Variants in CTPS2 observed in about 807,000 individuals in gnomAD.
CTPS2 encodes CTP synthase II.
CTPS2 carries 19 observed loss-of-function variants against 46.8 expected under a neutral mutation model. That is an observed-to-expected ratio of 0.41 (90% confidence interval 0.28 to 0.60). The LOEUF (loss-of-function observed/expected upper bound fraction) is 0.60. Ranked by LOEUF, CTPS2 falls within the 20% of genes least tolerant of loss-of-function variation. The pLI, the probability that CTPS2 is intolerant of heterozygous loss-of-function variation, is 0.35. For missense variants in CTPS2, 286 were observed against 447.6 expected, an observed-to-expected ratio of 0.64 and a Z score of 3.26; for synonymous variants, 151 against 165.2, an observed-to-expected ratio of 0.91 and a Z score of 0.66.
intron 16 of CTPS2, among the ~76,000 whole-genome samples, chrX:16,610,083 T>C (rs778018175): frequency 1.5e-4 from 17 of 111,643 alleles, no homozygotes; most frequent in African/African-American, 5.5e-4. Flanking sequence ...GTCTTCTCCT[T>C]TCCCAGGGTA....
chrX:16,663,997 A>G (rs6527697), intron 13 of CTPS2, among the ~76,000 whole-genome samples: 51,674 of 109,170 alleles, frequency 0.47, 9,728 homozygotes, highest in African/African-American at 0.67. Context: ...CACCACGCCC[A>G]GCTAATTTCT....
At chrX:16,685,889 A>T (rs1408149879) in intron 8 of CTPS2, among the ~76,000 whole-genome samples, 3 of 105,393 alleles carry the variant, frequency 2.8e-5, no homozygotes, top group Non-Finnish European at 5.9e-5. Context: ...AAAAAAAAAA[A>T]AAGACAATGA....
chrX:16,655,263 C>T (rs1183129094), intron 13 of CTPS2, among the ~76,000 whole-genome samples: 1 of 112,090 alleles, frequency 8.9e-6, no homozygotes, highest in African/African-American at 3.2e-5. Context: ...CATCACTGAC[C>T]GGGTGGCCTC....
At chrX:16,598,025 G>A (rs1929388169) in intron 17 of CTPS2, among the ~76,000 whole-genome samples, 1 of 108,760 alleles carries the variant, frequency 9.2e-6, no homozygotes. Flanking sequence ...GAATGCTTGT[G>A]ATTTTTGTAC....
intron 8 of CTPS2, among the ~76,000 whole-genome samples, chrX:16,688,023 C>G (rs760676165): frequency 9.0e-6 from 1 of 111,087 alleles, no homozygotes; most frequent in South Asian, 3.8e-4. Flanking sequence ...GGATTTGAGT[C>G]CAGAACCTAC....
intron 16 of CTPS2, among the ~76,000 whole-genome samples, chrX:16,611,526 A>G (rs1287191830): frequency 2.5e-3 from 280 of 110,445 alleles, no homozygotes; most frequent in African/African-American, 8.6e-3. Flanking sequence ...AATTATTAAA[A>G]AAAAAAAAAA....
chrX:16,626,252 G>GC (rs1931143399), intron 14 of CTPS2, among the ~76,000 whole-genome samples: 2 of 111,011 alleles, frequency 1.8e-5, no homozygotes, highest in Non-Finnish European at 3.8e-5. Flanking sequence ...CGTGGTGGTG[G>GC]ACACCTGTAA....
intron 17 of CTPS2, among the ~76,000 whole-genome samples, chrX:16,596,164 A>G (rs1035517687): frequency 9.2e-6 from 1 of 108,315 alleles, no homozygotes; most frequent in Non-Finnish European, 1.9e-5. Context: ...GTGAGCCACC[A>G]TGCCTCGCCA....
At chrX:16,707,537 G>A (rs910791638) in intron 1 of CTPS2, among the ~76,000 whole-genome samples, 1 of 111,670 alleles carries the variant, frequency 9.0e-6, no homozygotes, top group African/African-American at 3.3e-5. Context: ...AGCCAGGTGT[G>A]GTGGCACACA....
intron 14 of CTPS2, among the ~76,000 whole-genome samples, chrX:16,630,395 C>T (rs1208012487): frequency 1.8e-5 from 2 of 108,849 alleles, no homozygotes; most frequent in East Asian, 5.8e-4. Context: ...GCTGGGATTA[C>T]AGGCATGTGC....
At chrX:16,595,162 TACAC>T (rs10643985) in intron 17 of CTPS2, among the ~76,000 whole-genome samples, 245 of 102,719 alleles carry the variant, frequency 2.4e-3, no homozygotes, top group African/African-American at 6.6e-3. Flanking sequence ...AGCAATCTTT[TACAC>T]ACACACACAC....
At chrX:16,600,234 A>G (rs903578076) in intron 17 of CTPS2, among the ~76,000 whole-genome samples, 1 of 112,193 alleles carries the variant, frequency 8.9e-6, no homozygotes. Flanking sequence ...CGCTACCCCA[A>G]GGCAGCTGTT....
intron 17 of CTPS2, among the ~76,000 whole-genome samples, chrX:16,596,120 C>T (rs1035798540): frequency 7.2e-5 from 8 of 111,808 alleles, no homozygotes; most frequent in Non-Finnish European, 1.1e-4. Context: ...GCAATACTCC[C>T]GCCTCAGCCT....
chrX:16,651,263 G>C lies in CTPS2; in HGVS notation c.1297-12020C>G, dbSNP rs1932615935. The C allele has an allele frequency of 4.6e-6, 3 of 658,763 alleles. No individual in the cohort carries two copies. The East Asian group carries it at 1.0e-4, about 22-fold the overall frequency. 54.3% of individuals were successfully genotyped at this position (658,763 alleles called of 1,213,427 possible). Reference sequence around the variant, plus strand: ...GCTTGAGGGAGGACACATGCAGGTGGGGTTTCTTCCCCTTAAGTCAGGCCA... The same window carrying C: ...GCTTGAGGGAGGACACATGCAGGTGCGGTTTCTTCCCCTTAAGTCAGGCCA... On this transcript the variant is annotated intron_variant, in intron 13 of 18. Coordinates refer to ENST00000359276, the MANE Select transcript of CTPS2 (RefSeq NM_175859.3).
chrX:16,659,027 TTTTA>T (rs1297349616), intron 13 of CTPS2, among the ~76,000 whole-genome samples: 3 of 112,109 alleles, frequency 2.7e-5, no homozygotes, highest in Non-Finnish European at 3.8e-5. Flanking sequence ...TGTTCGAATA[TTTTA>T]TTTGAGATTT....
chrX:16,621,917 T>C (rs963400139), intron 14 of CTPS2, among the ~76,000 whole-genome samples: 1 of 111,028 alleles, frequency 9.0e-6, no homozygotes. Context: ...GGTGACGATA[T>C]GAATGATAGT....
chrX:16,613,507 G>A (rs1020984026), intron 16 of CTPS2, among the ~76,000 whole-genome samples: 1 of 111,512 alleles, frequency 9.0e-6, no homozygotes, highest in Non-Finnish European at 1.9e-5. Context: ...ACTGCTAGTT[G>A]GGATCTGAAG....
chrX:16,638,204 G>A (rs1288709299), intron 14 of CTPS2, among the ~76,000 whole-genome samples: 1 of 102,490 alleles, frequency 9.8e-6, no homozygotes, highest in South Asian at 4.5e-4. Flanking sequence ...GCAGTGAGCC[G>A]AAATCGTGCC....
intron 13 of CTPS2, among the ~76,000 whole-genome samples, chrX:16,660,798 C>G (rs145478004): frequency 1.8e-5 from 2 of 110,866 alleles, no homozygotes; most frequent in African/African-American, 6.6e-5. Context: ...TGTGAGCCAC[C>G]GTGCCCAGGC....
Sources: gnomAD v4.1 joint callset for allele counts (sites outside exome capture counted in the v4.1 genomes callset) on GRCh38, gnomAD v4.1.1 for gene constraint, MANE v1.5 for transcripts, NCBI Gene and HGNC (gene_info 2026-07-23, HGNC 2026-07-21) for gene names.